FUOM: variants seen among roughly 807,000 people sequenced by gnomAD.
FUOM encodes protein fucU homolog.
Under a neutral mutation model 18.3 loss-of-function variants are expected in FUOM, and 19 were observed. That is an observed-to-expected ratio of 1.04 (90% CI 0.73 to 1.53). The LOEUF (loss-of-function observed/expected upper bound fraction) is 1.53, where lower values mean the gene tolerates loss of function less well. Among genes scored for constraint, FUOM ranks in the 40% most tolerant of loss-of-function variants. FUOM has a pLI of 0.00. For missense variants in FUOM, 210 were observed against 200.9 expected, an observed-to-expected ratio of 1.04 and a Z score of -0.27; for synonymous variants, 102 against 87.9, an observed-to-expected ratio of 1.16 and a Z score of -0.90.
chr10:133,357,096 C>T (rs1240624420), intron 2 of FUOM, 83 bp from the exon 3 acceptor site: 1 of 1,539,686 alleles, frequency 6.5e-7, no homozygotes, highest in Non-Finnish European at 8.8e-7. Context: ...CAAGCATGGA[C>T]TTGGGGCCAC....
At chr10:133,354,766 C>G (rs1454537729), downstream of FUOM, among the ~76,000 whole-genome samples, 1 of 150,826 alleles carries the variant, frequency 6.6e-6, no homozygotes, top group Admixed American at 6.6e-5. Flanking sequence ...GCAAGTGAGG[C>G]TTTCAGCGGG....
At chr10:133,353,450 C>A (rs745317987), downstream of FUOM, among the ~76,000 whole-genome samples, 37 of 152,172 alleles carry the variant, frequency 2.4e-4, no homozygotes, top group Non-Finnish European at 3.8e-4. Context: ...GTGCCAAGCC[C>A]GGGGCTGAGC....
At chr10:133,357,586 C>T (rs1589874620) in intron 1 of FUOM, 3 of 484,824 alleles carry the variant, frequency 6.2e-6, no homozygotes, top group Admixed American at 4.1e-5. Flanking sequence ...CCGCGATGCC[C>T]GGACCAGGCC....
At chr10:133,357,784 T>C (rs1180034079) in intron 1 of FUOM, 139 bp downstream of exon 1, 1 of 604,142 alleles carries the variant, frequency 1.7e-6, no homozygotes, top group African/African-American at 2.0e-5. Flanking sequence ...GGAGGGGGCT[T>C]CCTGCCCGGA....
Position 133,355,771 on chromosome 10 carries a change from C to T in FUOM, c.365G>A (p.Arg122Gln), listed in dbSNP as rs371333403. Residue 122 changes from arginine (R) to glutamine (Q), a missense_variant, in exon 5 of 6, where the codon CGG (arginine) becomes CAG (glutamine). Transcript: ENST00000278025. ...CACAACAGCAAAAGCCTTCTTAGCC[C>T]GTTCATAAAACTCAAACCTCTCTAT... ...AKIERFEFYE[R>Q]AKKAFAVVAT... 2.2e-5 allele frequency: 36 copies of T among 1,613,186 alleles called. No homozygotes were observed. The African/African-American group carries it at 2.8e-4, about 13-fold the overall frequency.
chr10:133,354,815 C>T (rs1264483542), downstream of FUOM, among the ~76,000 whole-genome samples: 2 of 152,188 alleles, frequency 1.3e-5, no homozygotes, highest in Admixed American at 6.5e-5. Flanking sequence ...TGGCCCACAC[C>T]GAGGCCTCTC....
chr10:133,356,756 C>T lies in FUOM; in HGVS notation c.226-18G>A, dbSNP rs768592044. On this transcript the variant is annotated intron_variant, in intron 3 of 5. Transcript: ENST00000278025. ...ACTGCAGCCTAGAGGGAGGGGTCAG[C>T]TCTGGGGCCCTGGGCACTGCCAGCC... 1.3e-6 allele frequency: 2 copies of T among 1,543,222 alleles called. No individual in the cohort carries two copies. The highest frequency in any genetic ancestry group is 1.8e-6 in the Non-Finnish European group (2 of 1,141,408).
rs1291000440 is a variant in FUOM, at chr10:133,356,633, G to A, written c.324+7C>T. 1.3e-6 allele frequency: 2 copies of A among 1,554,188 alleles called. No individual in the cohort carries two copies. The highest frequency in any genetic ancestry group is 1.7e-6 in the Non-Finnish European group (2 of 1,146,760). On this transcript the variant is annotated splice_region_variant and intron_variant, in intron 4 of 5. Coordinates refer to ENST00000278025, the MANE Select transcript of FUOM (RefSeq NM_001098483.3). Reference sequence around the variant, plus strand: ...CCTTTTCCCCACAACTGGGGCTGCAGGCTTACCACACAGCCGGCCCTGCGT... The same window carrying A: ...CCTTTTCCCCACAACTGGGGCTGCAAGCTTACCACACAGCCGGCCCTGCGT...
At chr10:133,354,372 G>A (rs771551230), downstream of FUOM, among the ~76,000 whole-genome samples, 4 of 152,144 alleles carry the variant, frequency 2.6e-5, no homozygotes, top group Non-Finnish European at 4.4e-5. Flanking sequence ...CATCTCAGCC[G>A]GGGTGGGCTT....
At chr10:133,356,807 C>A in intron 3 of FUOM, 69 bp from the exon 4 acceptor site, 2 of 1,451,146 alleles carry the variant, frequency 1.4e-6, no homozygotes, top group Admixed American at 2.2e-5. Context: ...CCATTCGGGA[C>A]TCCCCTGGTG....
chr10:133,356,895 G>A, intron 3 of FUOM, 48 bp downstream of exon 3: 1 of 1,534,060 alleles, frequency 6.5e-7, no homozygotes, highest in South Asian at 1.2e-5. Context: ...CGCAAAAGGG[G>A]AAACTGAGGC....
At chr10:133,354,247 T>G (rs1189619340), downstream of FUOM, among the ~76,000 whole-genome samples, 1 of 152,162 alleles carries the variant, frequency 6.6e-6, no homozygotes, top group East Asian at 1.9e-4. Context: ...GGGCCAAGGC[T>G]GACCACTAGT....
chr10:133,354,192 G>T (rs1848728029), downstream of FUOM, among the ~76,000 whole-genome samples: 1 of 152,184 alleles, frequency 6.6e-6, no homozygotes, highest in Non-Finnish European at 1.5e-5. Flanking sequence ...CGGCCATCGG[G>T]TCTAGAGATG....
intron 4 of FUOM, 96 bp from the exon 5 acceptor site, chr10:133,355,907 A>G: frequency 9.8e-7 from 1 of 1,016,382 alleles, no homozygotes; most frequent in East Asian, 2.4e-5. Flanking sequence ...GGAGGGCACC[A>G]GGAAGTGGGG....
intron 2 of FUOM, 60 bp from the exon 3 acceptor site, chr10:133,357,073 A>C: frequency 1.3e-6 from 2 of 1,539,390 alleles, no homozygotes; most frequent in Non-Finnish European, 1.8e-6. Flanking sequence ...GCCTGTCTGC[A>C]CCCTTCACAC....
At position 133,357,227 on chromosome 10, in the gene FUOM, G is replaced by A. The variant is rs766467672; in HGVS notation, c.114C>T (p.Ser38=). Residue 38 remains serine (S), a synonymous_variant, in exon 2 of 6, where the codon TCC becomes TCT. Transcript: ENST00000278025. ...IVLADLNFPA[S]SICQCGPMEI... ...CCATGGGCCCACACTGGCAGATGGA[G>A]GAGGCCGGGAAGTTCAAGTCCGCAA... The A allele has an allele frequency of 4.5e-5, 71 of 1,582,388 alleles. No homozygotes were observed. Among genetic ancestry groups the A allele is most frequent in the Non-Finnish European group, 5.6e-5 (65 of 1,165,502 alleles).
At chr10:133,354,234 C>A (rs540154503), downstream of FUOM, among the ~76,000 whole-genome samples, 6 of 152,304 alleles carry the variant, frequency 3.9e-5, no homozygotes, top group South Asian at 1.2e-3. Flanking sequence ...TGCGAGGCCC[C>A]TGGGGCCAAG....
intron 2 of FUOM, 45 bp from the exon 3 acceptor site, chr10:133,357,058 C>CGCCT: frequency 6.5e-7 from 1 of 1,535,352 alleles, no homozygotes; most frequent in Non-Finnish European, 8.8e-7. Flanking sequence ...CCCGCCCGCC[C>CGCCT]GCCTGCCTGT....
Position 133,355,271 on chromosome 10 carries a change from A to T in FUOM, c.*99T>A. The T allele has an allele frequency of 1.4e-6, 2 of 1,389,078 alleles. No individual in the cohort carries two copies. The highest frequency in any genetic ancestry group is 1.9e-6 in the Non-Finnish European group (2 of 1,036,032). 86.0% of individuals were successfully genotyped at this position (1,389,078 alleles called of 1,614,324 possible). A position where few individuals can be genotyped will look rare whatever the true frequency, so the allele number is the denominator to read the frequency against. On this transcript the variant is annotated 3_prime_UTR_variant, in exon 6 of 6. Coordinates refer to ENST00000278025, the MANE Select transcript of FUOM (RefSeq NM_001098483.3). ...GCCCCTAGAGCCCTGGCCAGGGCCC[A>T]GGTCTGGGAGCTGCCACTGGGAGGC... is the stretch of plus-strand genomic sequence containing the variant.
Sources: gnomAD v4.1 joint callset for allele counts (sites outside exome capture counted in the v4.1 genomes callset) on GRCh38, gnomAD v4.1.1 for gene constraint, MANE v1.5 for transcripts, NCBI Gene and HGNC (gene_info 2026-07-23, HGNC 2026-07-21) for gene names.